Variants in DDX5 observed in about 807,000 individuals in gnomAD.
The protein encoded by DDX5 is probable ATP-dependent RNA helicase DDX5.
Under a neutral mutation model 68.6 loss-of-function variants are expected in DDX5, and 6 were observed. That is an observed-to-expected ratio of 0.09 (90% CI 0.05 to 0.17). The LOEUF (loss-of-function observed/expected upper bound fraction) is 0.17, where lower values mean the gene tolerates loss of function less well. Among genes scored for constraint, DDX5 ranks in the 10% least tolerant of loss-of-function variants. The probability of loss-of-function intolerance (pLI) is 1.00; values close to 1 mark genes in which losing one functional copy is unlikely to be tolerated. For missense variants in DDX5, 499 were observed against 756.1 expected (o/e 0.66, Z 3.99); for synonymous variants, 350 against 247.0 (o/e 1.42, Z -3.91).
In DDX5 at chr17:64,499,137, C is replaced by A. The variant is rs1232470511; in HGVS notation, c.*786G>T. On this transcript the variant is annotated 3_prime_UTR_variant, in exon 13 of 13. Transcript: ENST00000225792. ...GCCATCTTAAAGGGCTAATGTATGT[C>A]TTTCACAGGTTTGTTCAACATTTCA... Among the ~76,000 whole-genome samples the A allele has an allele frequency of 2.0e-5, 3 of 152,190 alleles. No homozygotes were observed. The highest frequency in any genetic ancestry group is 6.6e-5 in the Admixed American group (1 of 15,266).
rs1203752807 is a variant in DDX5, at chr17:64,502,471, A to G, written c.1062T>C (p.Cys354=). 12 of 1,613,636 alleles carry G rather than the reference A, an allele frequency of 7.4e-6. No individual in the cohort carries two copies. In the African/African-American group the frequency reaches 1.2e-4, roughly 16 times the overall value. Residue 354 remains cysteine, a synonymous_variant, in exon 9 of 13, where the codon TGT becomes TGC. Coordinates refer to ENST00000225792, the MANE Select transcript of DDX5 (RefSeq NM_004396.5). ...TCCTCATTTTTCTGGTAAGCTCATC[A>G]CATCTTCTTTTGGTTTCCACAAAAA... ...TIVFVETKRR[C]DELTRKMRRD...
chr17:64,500,167 A>C lies in DDX5; in HGVS notation c.1601T>G (p.Val534Gly). ...ATTGGTGTAATTTGCAGCACTGTAA[A>C]CACCATTCTGAGTTTTTGCCCCAAA... is the stretch of plus-strand genomic sequence containing the variant. ...RDFGAKTQNGVYSAANYTNGS... is the reference protein window; with the variant it reads ...RDFGAKTQNGGYSAANYTNGS... The change falls in exon 13 of 13, where the codon GTT becomes GGT. Residue 534 changes from valine to glycine, a missense_variant. Coordinates refer to ENST00000225792, the MANE Select transcript of DDX5 (RefSeq NM_004396.5). 2 of 1,614,196 alleles carry C rather than the reference A, an allele frequency of 1.2e-6. No individual in the cohort carries two copies. Among genetic ancestry groups the C allele is most frequent in the Non-Finnish European group, 1.7e-6 (2 of 1,180,036 alleles).
At chr17:64,502,258 C>T (rs373951221) in intron 9 of DDX5, 35 bp from the exon 10 acceptor site, 8 of 1,609,926 alleles carry the variant, frequency 5.0e-6, no homozygotes, top group African/African-American at 1.3e-5. Context: ...ATTAAACTCA[C>T]ATTGAAAACC....
chr17:64,502,576 A>G (rs782347414), intron 8 of DDX5, 27 bp from the exon 9 acceptor site: 2 of 1,539,840 alleles, frequency 1.3e-6, no homozygotes, highest in South Asian at 1.1e-5. Flanking sequence ...GAAAGGAAAA[A>G]TCCTGAGTTT....
chr17:64,506,018 TGACC>T, intron 1 of DDX5, 54 bp downstream of exon 1: 5 of 1,309,494 alleles, frequency 3.8e-6, no homozygotes, highest in Non-Finnish European at 4.2e-6. Flanking sequence ...GCCGCCACCC[TGACC>T]CGCCCTCCCA....
At chr17:64,502,404 A>C (rs782503163) in intron 9 of DDX5, 35 bp downstream of exon 9, 6 of 1,543,652 alleles carry the variant, frequency 3.9e-6, no homozygotes. Context: ...AAGCTGTTTT[A>C]ATCAATCTGC....
intron 6 of DDX5, 34 bp downstream of exon 6, chr17:64,503,396 A>T: frequency 6.2e-7 from 1 of 1,614,028 alleles, no homozygotes. Flanking sequence ...GATATTTAGC[A>T]CCAATGACAA....
rs145204686 is a variant in DDX5, at chr17:64,503,969, T to C, written c.441+14A>G. ...GCATATATCAGATCAACTCAAGAGT[T>C]CTCCCAAACTTACAGACAATGTTTT... On this transcript the variant is annotated intron_variant, in intron 4 of 12. Transcript: ENST00000225792. The C allele has an allele frequency of 2.1e-4, 333 of 1,614,112 alleles. 1 individual carries two copies. The African/African-American group carries it at 4.0e-3, about 19-fold the overall frequency.
At chr17:64,506,735 T>G, upstream of DDX5, 2 of 431,140 alleles carry the variant, frequency 4.6e-6, no homozygotes, top group East Asian at 4.4e-5. Context: ...GGCGGAGGGA[T>G]ACAAAACGAA....
intron 1 of DDX5, 57 bp downstream of exon 1, chr17:64,506,019 G>A: frequency 1.5e-6 from 2 of 1,360,446 alleles, no homozygotes; most frequent in Non-Finnish European, 1.0e-6. Flanking sequence ...CCGCCACCCT[G>A]ACCCGCCCTC....
chr17:64,502,724 G>A (rs2038330305), intron 8 of DDX5, 175 bp from the exon 9 acceptor site: 2 of 712,882 alleles, frequency 2.8e-6, no homozygotes, highest in Middle Eastern at 4.0e-4. Context: ...GTCAACCAGG[G>A]GACACATGAA....
chr17:64,505,850 G>A lies in DDX5; in HGVS notation c.44+226C>T, dbSNP rs2038480387. On this transcript the variant is annotated intron_variant, in intron 1 of 12. Transcript: ENST00000225792. ...CTACCAAATGGCAGCCGCCCCGACA[G>A]CTCCCCAATCCCCACACAAAAAGCA... The A allele has an allele frequency of 7.8e-6, 12 of 1,536,040 alleles. No individual in the cohort carries two copies. The East Asian group carries it at 1.7e-4, about 22-fold the overall frequency.
chr17:64,499,456 AAAG>A lies in DDX5; in HGVS notation c.*464_*466del, dbSNP rs531869681. On this transcript the variant is annotated 3_prime_UTR_variant, in exon 13 of 13. Transcript: ENST00000225792. ...TCCTGCAATATGAATAGCTCATTATAAAGAAGGGCCTTCTGATTCCCCCTGCCT... is the reference window on the plus strand; with the variant it reads ...TCCTGCAATATGAATAGCTCATTATAAAGGGCCTTCTGATTCCCCCTGCCT... 1.9e-4 allele frequency among the ~76,000 whole-genome samples: 29 copies of A among 152,188 alleles called. No homozygotes were observed. In the South Asian group the frequency reaches 2.5e-3, roughly 13 times the overall value.
intron 1 of DDX5, chr17:64,505,872 A>G: frequency 1.3e-6 from 2 of 1,536,026 alleles, no homozygotes; most frequent in Non-Finnish European, 1.7e-6. Flanking sequence ...CCACACAAAA[A>G]GCAAGCTTGA....
chr17:64,503,646 T>C (rs1022004134), intron 5 of DDX5, 75 bp from the exon 6 acceptor site: 1 of 1,584,402 alleles, frequency 6.3e-7, no homozygotes, highest in African/African-American at 1.4e-5. Flanking sequence ...TACTAGCAGA[T>C]CCTTTCTTCA....
Position 64,498,269 on chromosome 17 carries a change from CATTT to C in DDX5, c.*1650_*1653del, listed in dbSNP as rs1476049530. On this transcript the variant is annotated 3_prime_UTR_variant, in exon 13 of 13. Coordinates refer to ENST00000225792, the MANE Select transcript of DDX5 (RefSeq NM_004396.5). Reference sequence around the variant, plus strand: ...AAAGAGAGAATGGGGAGAAAAATCACATTTATTAGTTAAGACGACCACAGGCTGG... The same window carrying C: ...AAAGAGAGAATGGGGAGAAAAATCACATTAGTTAAGACGACCACAGGCTGG... 9.9e-5 allele frequency among the ~76,000 whole-genome samples: 15 copies of C among 152,192 alleles called. No homozygotes were observed. Among genetic ancestry groups the C allele is most frequent in the African/African-American group, 3.1e-4 (13 of 41,446 alleles).
At chr17:64,501,808 T>C (rs2038303940) in intron 11 of DDX5, 2 of 603,274 alleles carry the variant, frequency 3.3e-6, no homozygotes. Flanking sequence ...TCTAATCGAC[T>C]GGAAGCAGCC....
chr17:64,506,801 G>A (rs1227566692), upstream of DDX5: 24 of 567,060 alleles, frequency 4.2e-5, 1 homozygote, highest in South Asian at 4.6e-4. Context: ...GCTGCCGGCT[G>A]ATGTGGACCG....
chr17:64,504,698 A>C lies in DDX5; in HGVS notation c.189T>G (p.Pro63=). 6.2e-7 allele frequency: 1 copy of C among 1,613,396 alleles called. No homozygotes were observed. Among genetic ancestry groups the C allele is most frequent in the Non-Finnish European group, 8.5e-7 (1 of 1,179,790 alleles). Reference sequence around the variant, plus strand: ...TCACTGCTGTGCGCCTAGCCAAATCAGGGTGCTCTTGATAAAAATTCTTCT... The same window carrying C: ...TCACTGCTGTGCGCCTAGCCAAATCCGGGTGCTCTTGATAAAAATTCTTCT... ...KFEKNFYQEH[P]DLARRTAQEV... is the part of the protein sequence containing the mutation. Residue 63 remains proline, a synonymous_variant, in exon 2 of 13, where the codon CCT becomes CCG. Coordinates refer to ENST00000225792, the MANE Select transcript of DDX5 (RefSeq NM_004396.5).
Sources: allele counts gnomAD v4.1 joint callset (sites outside exome capture counted in the v4.1 genomes callset), GRCh38; gene constraint gnomAD v4.1.1; transcripts MANE v1.5; gene names NCBI Gene and HGNC (gene_info 2026-07-23, HGNC 2026-07-21).